Variants in FAM114A1 observed in about 807,000 individuals in gnomAD.
FAM114A1 encodes protein NOXP20.
FAM114A1 carries 62 observed loss-of-function variants against 64.3 expected under a neutral mutation model. The observed-to-expected ratio is 0.96, with a 90% CI of 0.79 to 1.19. FAM114A1 has a LOEUF of 1.19. FAM114A1 is among the 50% of genes most tolerant of loss of function. FAM114A1 has a pLI of 0.00. For missense variants in FAM114A1, 645 were observed against 676.3 expected, an observed-to-expected ratio of 0.95 and a Z score of 0.51; for synonymous variants, 254 against 251.1, an observed-to-expected ratio of 1.01 and a Z score of -0.11.
chr4:38,881,193 C>T (rs1457804374), intron 3 of FAM114A1, among the ~76,000 whole-genome samples: 1 of 138,070 alleles, frequency 7.2e-6, no homozygotes, highest in Non-Finnish European at 1.6e-5. Flanking sequence ...GACAGCGAGA[C>T]TCTGTCTCAA....
intron 7 of FAM114A1, among the ~76,000 whole-genome samples, chr4:38,909,068 G>T (rs563627495): frequency 4.5e-4 from 68 of 152,170 alleles, no homozygotes; most frequent in South Asian, 1.0e-3. Flanking sequence ...TTTCAACCCA[G>T]TGGTAACATA....
At chr4:38,920,755 G>A (rs1315870303) in intron 8 of FAM114A1, among the ~76,000 whole-genome samples, 1 of 152,188 alleles carries the variant, frequency 6.6e-6, no homozygotes, top group Non-Finnish European at 1.5e-5. Flanking sequence ...CTAAGAATAC[G>A]TTGATGCACA....
intron 2 of FAM114A1, among the ~76,000 whole-genome samples, chr4:38,877,397 A>G (rs758175703): frequency 6.6e-6 from 1 of 152,136 alleles, no homozygotes; most frequent in Non-Finnish European, 1.5e-5. Context: ...TTAGATTCTC[A>G]TAAGGAGTGC....
intron 3 of FAM114A1, among the ~76,000 whole-genome samples, chr4:38,887,001 A>G (rs557495463): frequency 1.3e-5 from 2 of 151,718 alleles, no homozygotes; most frequent in African/African-American, 4.8e-5. Context: ...AAAAGCTAGG[A>G]GAGAGTAAAA....
At chr4:38,907,129 A>G (rs1045579231) in intron 6 of FAM114A1, among the ~76,000 whole-genome samples, 2 of 152,152 alleles carry the variant, frequency 1.3e-5, no homozygotes, top group Non-Finnish European at 2.9e-5. Flanking sequence ...AAATATAGAA[A>G]ATGACTGGTC....
chr4:38,912,767 C>T lies in FAM114A1; in HGVS notation c.793-2154C>T, dbSNP rs181560334. Among the ~76,000 whole-genome samples, 263 of 152,238 alleles carry T rather than the reference C, an allele frequency of 1.7e-3. 2 individuals are homozygous for T. Among genetic ancestry groups the T allele is most frequent in the African/African-American group, 5.6e-3 (232 of 41,530 alleles). Reference sequence around the variant, plus strand: ...ATTTCATCCCTTCTTTTTTCTCTCCCGAAGCCCACATTCGGAGGTGGAAGC... The same window carrying T: ...ATTTCATCCCTTCTTTTTTCTCTCCTGAAGCCCACATTCGGAGGTGGAAGC... On this transcript the variant is annotated intron_variant, in intron 7 of 14. Coordinates refer to ENST00000358869, the MANE Select transcript of FAM114A1 (RefSeq NM_138389.4).
At chr4:38,930,734 A>C (rs1720558275) in intron 10 of FAM114A1, among the ~76,000 whole-genome samples, 1 of 152,240 alleles carries the variant, frequency 6.6e-6, no homozygotes, top group African/African-American at 2.4e-5. Context: ...AACTATAATG[A>C]TAAAATTGGA....
At chr4:38,894,093 G>A (rs1716667851) in intron 4 of FAM114A1, among the ~76,000 whole-genome samples, 1 of 149,464 alleles carries the variant, frequency 6.7e-6, no homozygotes, top group African/African-American at 2.5e-5. Context: ...AACCCAGGAG[G>A]TGGAGGTTGC....
At chr4:38,935,168 C>T (rs959848232) in intron 12 of FAM114A1, among the ~76,000 whole-genome samples, 7 of 152,120 alleles carry the variant, frequency 4.6e-5, no homozygotes, top group African/African-American at 1.7e-4. Flanking sequence ...CCACCCACCT[C>T]GGCCTCCCAC....
intron 13 of FAM114A1, among the ~76,000 whole-genome samples, chr4:38,939,763 C>T (rs189539268): frequency 3.1e-4 from 47 of 152,302 alleles, no homozygotes; most frequent in Non-Finnish European, 1.2e-4. Flanking sequence ...CTCTCTCTCT[C>T]CAATCCCTTT....
At chr4:38,919,855 A>G (rs1049815090) in intron 8 of FAM114A1, among the ~76,000 whole-genome samples, 3 of 152,248 alleles carry the variant, frequency 2.0e-5, no homozygotes, top group Non-Finnish European at 2.9e-5. Flanking sequence ...CTATTTTACT[A>G]GATTGATTCT....
chr4:38,890,882 T>G (rs1272491236), intron 3 of FAM114A1, among the ~76,000 whole-genome samples: 1 of 152,056 alleles, frequency 6.6e-6, no homozygotes, highest in East Asian at 1.9e-4. Context: ...AACCCAAAGA[T>G]CAGAAAGCAG....
chr4:38,891,479 T>C (rs1028546902), intron 3 of FAM114A1, among the ~76,000 whole-genome samples: 4 of 152,146 alleles, frequency 2.6e-5, no homozygotes, highest in African/African-American at 9.7e-5. Context: ...TAAGAGAGAA[T>C]CGAGGCTCAG....
Position 38,932,241 on chromosome 4 carries a change from T to C in FAM114A1, c.1330T>C (p.Tyr444His). 1 of 1,599,580 alleles carries C rather than the reference T, an allele frequency of 6.3e-7. No individual in the cohort carries two copies. Among genetic ancestry groups the C allele is most frequent in the Non-Finnish European group, 8.5e-7 (1 of 1,176,582 alleles). ...EKKTKTIEEV[Y>H]MSSIESLAEV... is the part of the protein sequence containing the mutation. ...TTGTGTCTATTCATTTCAGGAAGTATACATGTCGTCCATTGAAAGTCTGGC... is the reference window on the plus strand; with the variant it reads ...TTGTGTCTATTCATTTCAGGAAGTACACATGTCGTCCATTGAAAGTCTGGC... Residue 444 changes from tyrosine (Y) to histidine (H), a missense_variant, in exon 12 of 15, where the codon TAC becomes CAC. By Grantham distance (83) the Tyr-to-His change is moderately conservative (BLOSUM62 2). Transcript: ENST00000358869.
intron 8 of FAM114A1, among the ~76,000 whole-genome samples, chr4:38,915,744 G>GGTGCGT (rs1553869566): frequency 7.2e-6 from 1 of 139,116 alleles, no homozygotes; most frequent in Admixed American, 7.2e-5. Context: ...CATCTATAGT[G>GGTGCGT]GTGTGTGTGT....
chr4:38,905,879 T>C lies in FAM114A1; in HGVS notation c.657+18T>C. ...AAAACACAGTGAGTCGCTGGCTGCT[T>C]CCTCTCTTTCCCCTGTATTTCCCAG... On this transcript the variant is annotated intron_variant, in intron 6 of 14. Coordinates refer to ENST00000358869, the MANE Select transcript of FAM114A1 (RefSeq NM_138389.4). The C allele has an allele frequency of 1.9e-6, 3 of 1,599,346 alleles. No homozygotes were observed. Among genetic ancestry groups the C allele is most frequent in the Non-Finnish European group, 2.6e-6 (3 of 1,172,482 alleles).
chr4:38,927,322 C>T (rs1720215669), intron 9 of FAM114A1, among the ~76,000 whole-genome samples: 2 of 152,296 alleles, frequency 1.3e-5, no homozygotes, highest in South Asian at 4.1e-4. Context: ...AGTCGAAGCT[C>T]AAAGTGCTGG....
chr4:38,871,031 A>G (rs1277954375), intron 2 of FAM114A1, among the ~76,000 whole-genome samples: 1 of 151,992 alleles, frequency 6.6e-6, no homozygotes, highest in Non-Finnish European at 1.5e-5. Flanking sequence ...TTAGAGATAC[A>G]CACAATTAGA....
At chr4:38,926,016 A>G (rs1004820600) in intron 9 of FAM114A1, among the ~76,000 whole-genome samples, 1 of 152,238 alleles carries the variant, frequency 6.6e-6, no homozygotes, top group African/African-American at 2.4e-5. Context: ...CTATGTTTGT[A>G]TCAGTGTAGC....
Sources: allele counts gnomAD v4.1 joint callset (sites outside exome capture counted in the v4.1 genomes callset), GRCh38; gene constraint gnomAD v4.1.1; transcripts MANE v1.5; gene names NCBI Gene and HGNC (gene_info 2026-07-23, HGNC 2026-07-21).